PAQR3: variants seen among roughly 807,000 people sequenced by gnomAD.
PAQR3 encodes progestin and adipoQ receptor family member 3.
PAQR3 carries 39 observed loss-of-function variants against 41.7 expected under a neutral mutation model. The observed-to-expected ratio is 0.93, with a 90% CI of 0.72 to 1.22. The LOEUF is 1.22. Among genes scored for constraint, PAQR3 ranks in the 50% most tolerant of loss-of-function variants. The pLI, the probability that PAQR3 is intolerant of heterozygous loss-of-function variation, is 0.00. For missense variants in PAQR3, 366 were observed against 385.6 expected (o/e 0.95, Z 0.42); for synonymous variants, 140 against 140.6 (o/e 1.00, Z 0.03).
At chr4:78,904,274 A>AT (rs761348488) in intron 11 of PAQR3, among the ~76,000 whole-genome samples, 5 of 151,980 alleles carry the variant, frequency 3.3e-5, no homozygotes, top group South Asian at 2.1e-4. Context: ...CTTACAGAGC[A>AT]TTTTTTGCCC....
At chr4:78,911,008 A>G (rs1224212637), downstream of PAQR3, 2 of 1,613,718 alleles carry the variant, frequency 1.2e-6, no homozygotes. Flanking sequence ...CTCTGTCTAC[A>G]GAGACAGATC....
rs1249389669 is a variant in PAQR3, at chr4:78,917,989, T to C, written c.*2550A>G. The stretch of plus-strand genomic sequence containing the variant: ...CATAATACATATTTTGTCATGCAGC[T>C]TACTGAATTGCAGTTAGTGTAATAA... On this transcript the variant is annotated 3_prime_UTR_variant, in exon 6 of 6. Coordinates refer to ENST00000512733, the MANE Select transcript of PAQR3 (RefSeq NM_001040202.2). 1.0e-6 allele frequency: 1 copy of C among 984,010 alleles called. No homozygotes were observed. The highest frequency in any genetic ancestry group is 1.2e-6 in the Non-Finnish European group (1 of 828,278). 61.0% of individuals were successfully genotyped at this position (984,010 alleles called of 1,614,324 possible).
intron 11 of PAQR3, among the ~76,000 whole-genome samples, chr4:78,902,629 T>G (rs1249511054): frequency 6.6e-6 from 1 of 152,160 alleles, no homozygotes; most frequent in African/African-American, 2.4e-5. Flanking sequence ...GCCATTTATC[T>G]TCTATAATCT....
At chr4:78,910,606 G>A (rs1471118537), downstream of PAQR3, 1 of 1,518,838 alleles carries the variant, frequency 6.6e-7, no homozygotes, top group Admixed American at 2.3e-5. Flanking sequence ...ATTTGAACTT[G>A]CAGGTTCTCC....
chr4:78,887,406 A>G, intron 12 of PAQR3: 1 of 735,472 alleles, frequency 1.4e-6, no homozygotes, highest in Non-Finnish European at 2.3e-6. Context: ...AAAATATTTT[A>G]ACCTTTAGCC....
chr4:78,905,609 T>C (rs768115252), intron 11 of PAQR3, among the ~76,000 whole-genome samples: 8 of 152,022 alleles, frequency 5.3e-5, no homozygotes, highest in Non-Finnish European at 1.0e-4. Context: ...ATGTTAATAA[T>C]ACAGATCTCA....
At chr4:78,901,280 C>CT (rs11452797) in intron 11 of PAQR3, among the ~76,000 whole-genome samples, 20,144 of 151,066 alleles carry the variant, frequency 0.13, 2,479 homozygotes, top group African/African-American at 0.33. Flanking sequence ...AGGCTTGTCT[C>CT]TAATTCCTGG....
chr4:78,937,449 C>T (rs1241595082), intron 1 of PAQR3, among the ~76,000 whole-genome samples: 1 of 152,146 alleles, frequency 6.6e-6, no homozygotes, highest in Non-Finnish European at 1.5e-5. Flanking sequence ...AACAGGAGTC[C>T]AGCACCACAT....
At chr4:78,922,491 C>A in intron 5 of PAQR3, 1 of 1,195,780 alleles carries the variant, frequency 8.4e-7, no homozygotes, top group Non-Finnish European at 1.1e-6. Flanking sequence ...CATAGCTCTC[C>A]AAACTGAAAA....
At position 78,939,189 on chromosome 4, in the gene PAQR3, G is replaced by C. The variant is rs1737772424; in HGVS notation, c.36C>G (p.Ile12Met). 2 of 1,609,350 alleles carry C rather than the reference G, an allele frequency of 1.2e-6. No individual in the cohort carries two copies. Among genetic ancestry groups the C allele is most frequent in the South Asian group, 1.1e-5 (1 of 90,404 alleles). ...GCCAGTACTGGTAGCTGCCCAGCTC[G>C]ATGTAATGCGCGCTCTTCAGCAGCT... is the stretch of plus-strand genomic sequence containing the variant. ...HQKLLKSAHY[I>M]ELGSYQYWPV... Residue 12 changes from isoleucine to methionine, a missense_variant, in exon 1 of 6, where the codon ATC (isoleucine) becomes ATG (methionine). Transcript: ENST00000512733.
At chr4:78,895,701 T>C (rs1371349518) in intron 11 of PAQR3, among the ~76,000 whole-genome samples, 1 of 152,216 alleles carries the variant, frequency 6.6e-6, no homozygotes, top group Admixed American at 6.5e-5. Flanking sequence ...CAAAATTTTA[T>C]GGAGCAAAAG....
intron 11 of PAQR3, among the ~76,000 whole-genome samples, chr4:78,900,278 C>T (rs1161639531): frequency 6.6e-6 from 1 of 152,164 alleles, no homozygotes; most frequent in Non-Finnish European, 1.5e-5. Flanking sequence ...ATTATGTTAT[C>T]AGCAAGGCTT....
At chr4:78,925,290 G>T (rs1244238217) in intron 4 of PAQR3, among the ~76,000 whole-genome samples, 1 of 151,966 alleles carries the variant, frequency 6.6e-6, no homozygotes, top group Admixed American at 6.6e-5. Flanking sequence ...AGAAATTTTG[G>T]TCACTTCTGT....
intron 2 of PAQR3, among the ~76,000 whole-genome samples, chr4:78,933,870 G>C (rs925688873): frequency 6.6e-6 from 1 of 152,192 alleles, no homozygotes; most frequent in African/African-American, 2.4e-5. Flanking sequence ...TAGGCCTAGG[G>C]ATGGAGGAAA....
chr4:78,926,143 A>G (rs1230038116), intron 4 of PAQR3, among the ~76,000 whole-genome samples: 1 of 152,142 alleles, frequency 6.6e-6, no homozygotes, highest in Admixed American at 6.5e-5. Context: ...ACCCCCTAAA[A>G]GATCAACTGC....
At chr4:78,926,932 C>A (rs1267435075) in intron 3 of PAQR3, among the ~76,000 whole-genome samples, 1 of 152,062 alleles carries the variant, frequency 6.6e-6, no homozygotes, top group Non-Finnish European at 1.5e-5. Flanking sequence ...TGGTAAAATA[C>A]TACATTTATT....
intron 1 of PAQR3, 142 bp from the exon 2 acceptor site, chr4:78,935,425 T>C (rs1456143929): frequency 8.7e-6 from 5 of 576,976 alleles, no homozygotes; most frequent in Non-Finnish European, 1.4e-5. Context: ...AAATTTGATA[T>C]ATTATCTAAT....
At chr4:78,936,654 A>G (rs1737455952) in intron 1 of PAQR3, among the ~76,000 whole-genome samples, 5 of 152,238 alleles carry the variant, frequency 3.3e-5, no homozygotes, top group Admixed American at 2.0e-4. Flanking sequence ...AAGTGTAAAG[A>G]CTACTTATAA....
In PAQR3 at chr4:78,898,022, G is replaced by A. The variant is rs116521024; in HGVS notation, c.*836+8086C>T. On this transcript the variant is annotated intron_variant and NMD_transcript_variant, in intron 11 of 12. Coordinates refer to the PAQR3 transcript ENST00000342820. The stretch of plus-strand genomic sequence containing the variant: ...GATTGGGAAATGAGGAAAGCTTCAT[G>A]AGAAAGATGTTACTTATGGTTAAGC... 4.0e-3 allele frequency among the ~76,000 whole-genome samples: 614 copies of A among 152,300 alleles called. 1 individual carries two copies. The highest frequency in any genetic ancestry group is 0.014 in the African/African-American group (581 of 41,558).
Sources: allele counts gnomAD v4.1 joint callset (sites outside exome capture counted in the v4.1 genomes callset), GRCh38; gene constraint gnomAD v4.1.1; transcripts MANE v1.5; gene names NCBI Gene and HGNC (gene_info 2026-07-23, HGNC 2026-07-21).